The following GRIN2B variants were observed in gnomAD, a reference collection of about 807,000 sequenced individuals.
GRIN2B encodes glutamate receptor ionotropic, NMDA 2B.
GRIN2B carries 5 observed loss-of-function variants against 114.5 expected under a neutral mutation model. The observed-to-expected ratio is 0.04, with a 90% CI of 0.02 to 0.09. The LOEUF is 0.09. GRIN2B is among the 10% of genes least tolerant of loss of function. The pLI, the probability that GRIN2B is intolerant of heterozygous loss-of-function variation, is 1.00. For synonymous variants in GRIN2B, 787 were observed against 745.1 expected, an observed-to-expected ratio of 1.06 and a Z score of -0.92; for missense variants, 1,108 against 1,943.5, an observed-to-expected ratio of 0.57 and a Z score of 8.08.
chr12:13,749,997 G>A (rs55891463), intron 4 of GRIN2B, among the ~76,000 whole-genome samples: 10,039 of 152,208 alleles, frequency 0.066, 472 homozygotes, highest in Non-Finnish European at 0.11. Context: ...GATGTCCAGC[G>A]GGCAGGCAGG....
intron 3 of GRIN2B, among the ~76,000 whole-genome samples, chr12:13,755,242 C>T (rs1250073911): frequency 1.3e-5 from 2 of 152,206 alleles, no homozygotes; most frequent in African/African-American, 4.8e-5. Context: ...TGTTGTGCAG[C>T]TGAGAAATTG....
chr12:13,573,163 G>T (rs1469113214), intron 10 of GRIN2B, among the ~76,000 whole-genome samples: 1 of 149,472 alleles, frequency 6.7e-6, no homozygotes, highest in Non-Finnish European at 1.5e-5. Context: ...CATAAGAAGT[G>T]CTTGGCGGTC....
At chr12:13,674,015 A>G (rs901927701) in intron 5 of GRIN2B, among the ~76,000 whole-genome samples, 6 of 152,078 alleles carry the variant, frequency 3.9e-5, no homozygotes, top group African/African-American at 1.4e-4. Flanking sequence ...CCAGGGAACA[A>G]CCATTTCTGA....
At chr12:13,941,899 T>G (rs1285085983) in intron 2 of GRIN2B, among the ~76,000 whole-genome samples, 1 of 152,232 alleles carries the variant, frequency 6.6e-6, no homozygotes, top group Non-Finnish European at 1.5e-5. Context: ...GCGCAGTGTC[T>G]GCTAAGGACA....
intron 4 of GRIN2B, among the ~76,000 whole-genome samples, chr12:13,703,770 G>C (rs116802130): frequency 9.5e-4 from 145 of 152,228 alleles, no homozygotes; most frequent in African/African-American, 3.3e-3. Flanking sequence ...TTTTAAGTAA[G>C]GTTGACCACC....
intron 10 of GRIN2B, among the ~76,000 whole-genome samples, chr12:13,604,459 C>T (rs1949209946): frequency 6.6e-6 from 1 of 152,106 alleles, no homozygotes; most frequent in African/African-American, 2.4e-5. Context: ...ATCATCGCTC[C>T]AAGATATTTA....
rs61525874 is a variant in GRIN2B at position 13,954,811 on chromosome 12, G to GAAAAAAAAAAAAAAAAAAAAAAAAAA, written c.-19+25116_-19+25117insTTTTTTTTTTTTTTTTTTTTTTTTTT. ...GTGACAGAGTGAGACTCCGTCTCAGGAAAAAAAAAAAAAAAAAACTTTTTC... is the reference window on the plus strand; with the variant it reads ...GTGACAGAGTGAGACTCCGTCTCAGGAAAAAAAAAAAAAAAAAAAAAAAAAAAAAAAAAAAAAAAAAAAACTTTTTC... On this transcript the variant is annotated intron_variant, in intron 2 of 13. Transcript: ENST00000609686. 1.6e-3 allele frequency among the ~76,000 whole-genome samples: 40 copies of GAAAAAAAAAAAAAAAAAAAAAAAAAA among 25,540 alleles called. 10 individuals are homozygous for GAAAAAAAAAAAAAAAAAAAAAAAAAA. Among genetic ancestry groups the GAAAAAAAAAAAAAAAAAAAAAAAAAA allele is most frequent in the Admixed American group, 2.6e-3 (7 of 2,700 alleles). The allele number at this position is 25,540 out of a possible 152,430, so 16.8% of individuals were successfully genotyped here.
intron 5 of GRIN2B, among the ~76,000 whole-genome samples, chr12:13,668,297 C>T (rs1949995648): frequency 6.6e-6 from 1 of 152,182 alleles, no homozygotes; most frequent in South Asian, 2.1e-4. Context: ...TGTTGACAAG[C>T]ACTGGAAGGC....
intron 3 of GRIN2B, among the ~76,000 whole-genome samples, chr12:13,757,175 A>G (rs1389452740): frequency 6.6e-6 from 1 of 152,236 alleles, no homozygotes; most frequent in African/African-American, 2.4e-5. Context: ...TGGCACCCAA[A>G]GGAGGCTAAT....
intron 2 of GRIN2B, among the ~76,000 whole-genome samples, chr12:13,874,743 G>T (rs2136757395): frequency 6.6e-6 from 1 of 152,254 alleles, no homozygotes; most frequent in East Asian, 1.9e-4. Context: ...TATTAAGAGG[G>T]GGACGGGCAG....
intron 4 of GRIN2B, among the ~76,000 whole-genome samples, chr12:13,712,573 G>A (rs535301440): frequency 7.3e-5 from 11 of 151,678 alleles, no homozygotes; most frequent in Admixed American, 1.3e-4. Flanking sequence ...TACTGATAGA[G>A]GTGTGGGTTA....
chr12:13,844,803 A>G (rs1369053742), intron 3 of GRIN2B, among the ~76,000 whole-genome samples: 2 of 152,238 alleles, frequency 1.3e-5, no homozygotes, highest in Non-Finnish European at 2.9e-5. Flanking sequence ...CGTTATGAGT[A>G]TCAAATTAAG....
At chr12:13,654,193 G>A (rs541042871) in intron 5 of GRIN2B, among the ~76,000 whole-genome samples, 14 of 152,226 alleles carry the variant, frequency 9.2e-5, no homozygotes, top group Non-Finnish European at 1.8e-4. Flanking sequence ...AGAAAAGGTA[G>A]ATGTTATTTC....
At chr12:13,655,069 C>T (rs555062351) in intron 5 of GRIN2B, among the ~76,000 whole-genome samples, 5 of 152,100 alleles carry the variant, frequency 3.3e-5, no homozygotes, top group African/African-American at 9.6e-5. Context: ...TTAGTAATTC[C>T]CTGAGTTGGG....
chr12:13,913,489 C>A (rs1472827597), intron 2 of GRIN2B, among the ~76,000 whole-genome samples: 1 of 152,202 alleles, frequency 6.6e-6, no homozygotes, highest in Non-Finnish European at 1.5e-5. Flanking sequence ...ACTGCTGGCG[C>A]TGCTGTCTGT....
chr12:13,675,737 T>G lies in GRIN2B; in HGVS notation c.1125+8A>C. 1 of 1,511,272 alleles carries G rather than the reference T, an allele frequency of 6.6e-7. No individual in the cohort carries two copies. The highest frequency in any genetic ancestry group is 9.2e-7 in the Non-Finnish European group (1 of 1,086,358). 93.6% of individuals were successfully genotyped at this position (1,511,272 alleles called of 1,614,324 possible). ...CTTTGCTCAAGAATTGTCAAAGACATGTCTTACCCTTTCCCACTTCCTCTC... is the reference window on the plus strand; with the variant it reads ...CTTTGCTCAAGAATTGTCAAAGACAGGTCTTACCCTTTCCCACTTCCTCTC... On this transcript the variant is annotated splice_region_variant and intron_variant, in intron 5 of 13. Transcript: ENST00000609686.
chr12:13,961,837 T>A (rs900283104), intron 2 of GRIN2B, among the ~76,000 whole-genome samples: 3 of 151,334 alleles, frequency 2.0e-5, no homozygotes, highest in Non-Finnish European at 4.4e-5. Flanking sequence ...TCCCTTAGAG[T>A]GGAGGTTGCA....
At chr12:13,849,776 T>C (rs1161908874) in intron 3 of GRIN2B, among the ~76,000 whole-genome samples, 1 of 152,116 alleles carries the variant, frequency 6.6e-6, no homozygotes, top group Non-Finnish European at 1.5e-5. Flanking sequence ...TACCGACAAA[T>C]ACACACTGAG....
chr12:13,607,256 TTA>T (rs1565473481), intron 10 of GRIN2B, among the ~76,000 whole-genome samples: 2 of 70,656 alleles, frequency 2.8e-5, no homozygotes, highest in African/African-American at 1.3e-4. Context: ...AAAATATATA[TTA>T]TATATAATAT....
Sources: gnomAD v4.1 joint callset for allele counts (sites outside exome capture counted in the v4.1 genomes callset) on GRCh38, gnomAD v4.1.1 for gene constraint, MANE v1.5 for transcripts, NCBI Gene and HGNC (gene_info 2026-07-23, HGNC 2026-07-21) for gene names.